ABCC4: variants seen among roughly 807,000 people sequenced by gnomAD.
The protein encoded by ABCC4 is ATP binding cassette subfamily C member 4 (PEL blood group).
Under a neutral mutation model 168.5 loss-of-function variants are expected in ABCC4, and 102 were observed. The ratio of observed to expected loss-of-function variants is 0.61; its 90% CI spans 0.52 to 0.71. ABCC4 has a LOEUF of 0.71. ABCC4 is among the 30% of genes least tolerant of loss of function. ABCC4 has a pLI of 0.00. For synonymous variants in ABCC4, 617 were observed against 590.7 expected, an observed-to-expected ratio of 1.04 and a Z score of -0.65; for missense variants, 1,402 against 1,605.8, an observed-to-expected ratio of 0.87 and a Z score of 2.17.
rs1160408608 is a variant in ABCC4 at position 95,296,164 on chromosome 13, ACACACACACACACACACAC to A, written c.74+5058_74+5076del. ...CACACACACACACACACACACACACACACACACACACACACACACAAAAACACAAAATTAAATGGCCAGG... is the reference window on the plus strand; with the variant it reads ...CACACACACACACACACACACACACAAAAAACACAAAATTAAATGGCCAGG... On this transcript the variant is annotated intron_variant, in intron 1 of 30. Transcript: ENST00000645237. Among the ~76,000 whole-genome samples the A allele has an allele frequency of 1.2e-3, 100 of 86,886 alleles. 1 individual carries two copies. The highest frequency in any genetic ancestry group is 3.1e-3 in the African/African-American group (98 of 31,454). The allele number at this position is 86,886 out of a possible 152,430, so 57.0% of individuals were successfully genotyped here.
chr13:95,225,153 T>A (rs7350649), intron 4 of ABCC4, among the ~76,000 whole-genome samples: 2,044 of 35,070 alleles, frequency 0.058, 24 homozygotes, highest in Middle Eastern at 0.11. Flanking sequence ...TCTCTCTCTC[T>A]CACACACACA....
chr13:95,040,301 G>A (rs1004620507), intron 29 of ABCC4, among the ~76,000 whole-genome samples: 2 of 152,102 alleles, frequency 1.3e-5, no homozygotes, highest in Non-Finnish European at 1.5e-5. Flanking sequence ...GCGCGATCTC[G>A]GCTCACTGCA....
At chr13:95,092,515 T>C (rs967207580) in intron 20 of ABCC4, among the ~76,000 whole-genome samples, 1 of 152,120 alleles carries the variant, frequency 6.6e-6, no homozygotes, top group Non-Finnish European at 1.5e-5. Context: ...AATTAAAAAA[T>C]ATTTCAAACT....
intron 21 of ABCC4, among the ~76,000 whole-genome samples, chr13:95,081,386 C>T (rs771611010): frequency 1.3e-5 from 2 of 152,172 alleles, no homozygotes; most frequent in African/African-American, 2.4e-5. Context: ...ACAAGACTCT[C>T]GAATAACTTC....
intron 1 of ABCC4, among the ~76,000 whole-genome samples, chr13:95,283,990 G>A (rs538270967): frequency 2.0e-5 from 3 of 151,004 alleles, no homozygotes; most frequent in Non-Finnish European, 4.4e-5. Flanking sequence ...ATCTGAGGTC[G>A]GGAGTTCGAG....
chr13:95,259,864 A>G (rs1245972526), intron 1 of ABCC4, among the ~76,000 whole-genome samples: 1 of 152,046 alleles, frequency 6.6e-6, no homozygotes, highest in Non-Finnish European at 1.5e-5. Flanking sequence ...GGGAAAAAAA[A>G]AAAAAAAAGA....
Position 95,194,884 on chromosome 13 carries a change from A to G in ABCC4, c.1215T>C (p.Asp405=). The G allele has an allele frequency of 6.2e-7, 1 of 1,614,168 alleles. No homozygotes were observed. Among genetic ancestry groups the G allele is most frequent in the Non-Finnish European group, 8.5e-7 (1 of 1,180,028 alleles). Residue 405 remains aspartate (D), a synonymous_variant, in exon 9 of 31, where the codon GAT becomes GAC. Transcript: ENST00000645237. ...ISQRNRQLPS[D]GKKMVHVQDF... ...CCTGCACATGCACCATCTTTTTACC[A>G]TCTGACGGCAGCTGACGGTTGCGCT...
In ABCC4 at chr13:95,208,335, C is replaced by T. The variant is rs370735841; in HGVS notation, c.786-410G>A. On this transcript the variant is annotated intron_variant, in intron 6 of 30. Coordinates refer to ENST00000645237, the MANE Select transcript of ABCC4 (RefSeq NM_005845.5). ...TTAACTCCACCGGGAAAGAGGAGAG[C>T]AAAAAAAAAAAAAAAAGCTTCAGAG... 2.0e-3 allele frequency among the ~76,000 whole-genome samples: 155 copies of T among 75,850 alleles called. 1 individual carries two copies. Among genetic ancestry groups the T allele is most frequent in the Middle Eastern group, 0.014 (2 of 148 alleles). The allele number at this position is 75,850 out of a possible 152,430, so 49.8% of individuals were successfully genotyped here.
intron 1 of ABCC4, among the ~76,000 whole-genome samples, chr13:95,300,482 A>G (rs2041646974): frequency 6.6e-6 from 1 of 152,224 alleles, no homozygotes; most frequent in African/African-American, 2.4e-5. Flanking sequence ...CCATTCATAA[A>G]TGAAAAATAA....
At chr13:95,115,853 T>C (rs552906717) in intron 20 of ABCC4, 69 bp downstream of exon 20, 1 of 1,362,132 alleles carries the variant, frequency 7.3e-7, no homozygotes, top group South Asian at 1.2e-5. Context: ...CCAGACCCCA[T>C]GAAAAGGGCT....
chr13:95,077,366 T>C (rs1343298792), intron 21 of ABCC4, among the ~76,000 whole-genome samples: 1 of 152,042 alleles, frequency 6.6e-6, no homozygotes, highest in East Asian at 1.9e-4. Flanking sequence ...TGAGACAGGG[T>C]CTCACTCTGT....
chr13:95,087,279 A>G (rs914148236), intron 20 of ABCC4, among the ~76,000 whole-genome samples: 15 of 152,188 alleles, frequency 9.9e-5, no homozygotes, highest in African/African-American at 3.6e-4. Context: ...TAATCCTAAC[A>G]CTTTGGGAGG....
intron 21 of ABCC4, among the ~76,000 whole-genome samples, chr13:95,078,727 A>C (rs891800276): frequency 6.6e-6 from 1 of 152,230 alleles, no homozygotes; most frequent in Admixed American, 6.5e-5. Flanking sequence ...GGCTCCCAGT[A>C]GTTCAGAGAA....
At chr13:95,024,531 C>T (rs983013749) in intron 30 of ABCC4, among the ~76,000 whole-genome samples, 3 of 152,146 alleles carry the variant, frequency 2.0e-5, no homozygotes, top group Admixed American at 6.6e-5. Context: ...TACAAGCTCC[C>T]GCACGTGGAC....
chr13:95,177,135 C>T (rs1386091599), intron 13 of ABCC4, among the ~76,000 whole-genome samples: 1 of 152,200 alleles, frequency 6.6e-6, no homozygotes, highest in Admixed American at 6.5e-5. Flanking sequence ...ATTCTTGAAA[C>T]CACAGTCTAC....
intron 1 of ABCC4, among the ~76,000 whole-genome samples, chr13:95,252,691 C>T: frequency 6.6e-6 from 1 of 152,136 alleles, no homozygotes; most frequent in South Asian, 2.1e-4. Context: ...AACAAACAAA[C>T]CAACAAAGAT....
chr13:95,175,314 TTTA>T (rs943825826), intron 13 of ABCC4, among the ~76,000 whole-genome samples: 3 of 152,100 alleles, frequency 2.0e-5, no homozygotes, highest in Non-Finnish European at 2.9e-5. Context: ...AAATTTTTTT[TTTA>T]TTATTATTAT....
At chr13:95,271,958 A>G (rs2040858857) in intron 1 of ABCC4, among the ~76,000 whole-genome samples, 1 of 152,232 alleles carries the variant, frequency 6.6e-6, no homozygotes, top group Non-Finnish European at 1.5e-5. Flanking sequence ...TAAATTATTG[A>G]ATATACACAA....
chr13:95,064,363 G>A (rs1279820915), intron 25 of ABCC4, among the ~76,000 whole-genome samples: 1 of 150,204 alleles, frequency 6.7e-6, no homozygotes, highest in African/African-American at 2.4e-5. Context: ...AGACAGAGGT[G>A]TCACAAGTGA....
Sources: allele counts gnomAD v4.1 joint callset (sites outside exome capture counted in the v4.1 genomes callset), GRCh38; gene constraint gnomAD v4.1.1; transcripts MANE v1.5; gene names NCBI Gene and HGNC (gene_info 2026-07-23, HGNC 2026-07-21).